Variants in PHRF1 observed in about 807,000 individuals in gnomAD.
The protein encoded by PHRF1 is PHD and RING finger domain-containing protein 1.
A neutral mutation model predicts 128.9 loss-of-function variants in PHRF1; 53 were observed. The ratio of observed to expected loss-of-function variants is 0.41; its 90% CI spans 0.33 to 0.52. PHRF1 has a LOEUF of 0.52. Among genes scored for constraint, PHRF1 ranks in the 20% least tolerant of loss-of-function variants. PHRF1 has a pLI of 0.21. For missense variants in PHRF1, 2,503 were observed against 2,284.5 expected, an observed-to-expected ratio of 1.10 and a Z score of -1.95; for synonymous variants, 1,178 against 980.6, an observed-to-expected ratio of 1.20 and a Z score of -3.76.
chr11:601,280 T>G (rs1855607898), intron 9 of PHRF1, among the ~76,000 whole-genome samples: 1 of 151,660 alleles, frequency 6.6e-6, no homozygotes. Context: ...ATAAAAAAAA[T>G]TAGCTGGGCA....
In PHRF1 at chr11:595,307, CA is replaced by C. The variant is rs1340762509; in HGVS notation, c.621-1610del. Among the ~76,000 whole-genome samples, 13 of 151,692 alleles carry C rather than the reference CA, an allele frequency of 8.6e-5. No homozygotes were observed. The South Asian group carries it at 2.7e-3, about 31-fold the overall frequency. On this transcript the variant is annotated intron_variant, in intron 6 of 17. Coordinates refer to ENST00000264555, the MANE Select transcript of PHRF1 (RefSeq NM_001286581.2). ...CACTGCACTCCAGAGAGACTAAAAA[CA>C]AAAAACAAAAAAACACTATCTGTAG... is the stretch of plus-strand genomic sequence containing the variant.
chr11:591,241 C>T (rs998417225), intron 4 of PHRF1, 143 bp from the exon 5 acceptor site: 1 of 738,794 alleles, frequency 1.4e-6, no homozygotes, highest in Non-Finnish European at 2.3e-6. Flanking sequence ...TGTGCTCCCT[C>T]CACTGCCGTG....
chr11:595,897 C>T (rs567577386), intron 6 of PHRF1, among the ~76,000 whole-genome samples: 1 of 152,234 alleles, frequency 6.6e-6, no homozygotes, highest in East Asian at 1.9e-4. Flanking sequence ...CCCGCCGCCC[C>T]CCTCTGCTGG....
At position 607,962 on chromosome 11, in the gene PHRF1, A is replaced by G. The variant is rs879094061; in HGVS notation, c.2506A>G (p.Thr836Ala). The stretch of plus-strand genomic sequence containing the variant: ...CGAGGTCTACGACCCATCCGACCCC[A>G]CCGGCTCCGACTCCAGCGCCCCTGG... ...RSEVYDPSDPTGSDSSAPGSS... is the reference protein window; with the variant it reads ...RSEVYDPSDPAGSDSSAPGSS... Residue 836 changes from threonine to alanine, a missense_variant, in exon 14 of 18, where the codon ACC (threonine) becomes GCC (alanine). By Grantham distance (58) the Thr-to-Ala change is moderately conservative. Transcript: ENST00000264555. The G allele has an allele frequency of 1.2e-6, 2 of 1,611,600 alleles. No individual in the cohort carries two copies. The highest frequency in any genetic ancestry group is 1.7e-6 in the Non-Finnish European group (2 of 1,179,800).
At chr11:581,354 T>C (rs560524380) in intron 1 of PHRF1, 138 bp from the exon 2 acceptor site, 1 of 679,318 alleles carries the variant, frequency 1.5e-6, no homozygotes, top group Middle Eastern at 2.5e-4. Context: ...GTGGGTGATA[T>C]CTCAGGGCTC....
chr11:605,546 C>T, intron 11 of PHRF1, 59 bp from the exon 12 acceptor site: 1 of 1,595,198 alleles, frequency 6.3e-7, no homozygotes, highest in South Asian at 1.1e-5. Context: ...TCTCCCTGGG[C>T]TGGGGTTTCT....
intron 5 of PHRF1, 32 bp downstream of exon 5, chr11:591,499 C>T (rs1564846966): frequency 6.4e-7 from 1 of 1,554,146 alleles, no homozygotes; most frequent in African/African-American, 1.4e-5. Flanking sequence ...GAGGCCCCAG[C>T]CGTGCTTCTA....
chr11:598,550 A>T, intron 9 of PHRF1, 48 bp downstream of exon 9: 1 of 1,570,450 alleles, frequency 6.4e-7, no homozygotes, highest in South Asian at 1.2e-5. Flanking sequence ...GCTGGGACCC[A>T]CGCCCGAGGT....
Position 607,305 on chromosome 11 carries a change from T to C in PHRF1, c.1849T>C (p.Ser617Pro), listed in dbSNP as rs758475638. Reference protein sequence around the residue: ...APGAVQARNLSNGSVPGFRQS... With the variant: ...APGAVQARNLPNGSVPGFRQS... Reference sequence around the variant, plus strand: ...TGGGGCGGTTCAGGCTCGGAACTTGTCAAATGGGAGTGTGCCTGGCTTCAG... The same window carrying C: ...TGGGGCGGTTCAGGCTCGGAACTTGCCAAATGGGAGTGTGCCTGGCTTCAG... The change falls in exon 14 of 18, where the codon TCA (serine) becomes CCA (proline). Residue 617 changes from serine (S) to proline (P), a missense_variant. Coordinates refer to ENST00000264555, the MANE Select transcript of PHRF1 (RefSeq NM_001286581.2). 9.3e-6 allele frequency: 15 copies of C among 1,612,618 alleles called. No homozygotes were observed. In the South Asian group the frequency reaches 1.5e-4, roughly 17 times the overall value.
chr11:608,129 G>A lies in PHRF1; in HGVS notation c.2673G>A (p.Glu891=). 1 of 1,611,640 alleles carries A rather than the reference G, an allele frequency of 6.2e-7. No individual in the cohort carries two copies. The highest frequency in any genetic ancestry group is 8.5e-7 in the Non-Finnish European group (1 of 1,179,864). ...CGGTGGAGAGCATCTTTGGTACAGA[G>A]CCCGAACCCCCTCTCGGACCGTCCT... The part of the protein sequence containing the change: ...SYTVESIFGT[E]PEPPLGPSSA... Residue 891 remains glutamate, a synonymous_variant, in exon 14 of 18, where the codon GAG becomes GAA. Coordinates refer to ENST00000264555, the MANE Select transcript of PHRF1 (RefSeq NM_001286581.2).
intron 2 of PHRF1, 104 bp downstream of exon 2, chr11:581,710 A>G: frequency 8.6e-7 from 1 of 1,168,696 alleles, no homozygotes; most frequent in Non-Finnish European, 1.2e-6. Flanking sequence ...CTTTCAGTCT[A>G]AAAAAATTAT....
At position 597,803 on chromosome 11, in the gene PHRF1, G is replaced by T. The variant is rs1855387000; in HGVS notation, c.894+233G>T. On this transcript the variant is annotated intron_variant, in intron 8 of 17. Transcript: ENST00000264555. This position sits in a 1 kb window ranked among gnomAD's most constrained non-coding sequence, Gnocchi z 6.5. ...AGCCAGGTATTGAGGGGCAGGTGAA[G>T]CCTGGCCCTGGCGGGGTGGGGGCTC... Among the ~76,000 whole-genome samples the T allele has an allele frequency of 6.6e-6, 1 of 152,168 alleles. No individual in the cohort carries two copies. The highest frequency in any genetic ancestry group is 2.4e-5 in the African/African-American group (1 of 41,434).
chr11:605,346 C>A (rs369803491), intron 11 of PHRF1, 46 bp downstream of exon 11: 2 of 1,598,930 alleles, frequency 1.3e-6, no homozygotes, highest in South Asian at 2.2e-5. Flanking sequence ...GCTCCTCTCC[C>A]TGGGGGCTGT....
intron 4 of PHRF1, 80 bp downstream of exon 4, chr11:587,544 T>G (rs1384395470): frequency 7.0e-7 from 1 of 1,421,348 alleles, no homozygotes; most frequent in Non-Finnish European, 9.8e-7. Context: ...GTGTTCAGCC[T>G]CTTGTGAGGT....
chr11:587,583 G>C (rs1854646137), intron 4 of PHRF1, 119 bp downstream of exon 4: 2 of 1,012,264 alleles, frequency 2.0e-6, no homozygotes, highest in East Asian at 2.5e-5. Flanking sequence ...GGCTGACCCT[G>C]GGGCCACAGG....
At chr11:593,847 C>T (rs138144082) in intron 6 of PHRF1, among the ~76,000 whole-genome samples, 7 of 152,244 alleles carry the variant, frequency 4.6e-5, no homozygotes, top group Admixed American at 4.6e-4. Context: ...ACCTCGCCGT[C>T]CCTCCTTTCT....
In PHRF1 at chr11:608,515, G is replaced by C; in HGVS notation, c.3059G>C (p.Gly1020Ala). 6.5e-7 allele frequency: 1 copy of C among 1,537,170 alleles called. No individual in the cohort carries two copies. The highest frequency in any genetic ancestry group is 8.8e-7 in the Non-Finnish European group (1 of 1,135,452). ...AGGGAGCACGGACGGACGCGCTCTG[G>C]GACGCGCTCTGAATCCAGGGACAGG... ...VSREHGRTRS[G>A]TRSESRDRSS... Residue 1020 changes from glycine to alanine, a missense_variant, in exon 14 of 18, where the codon GGG (glycine) becomes GCG (alanine). Transcript: ENST00000264555.
At chr11:591,835 C>T (rs1049600226) in intron 5 of PHRF1, among the ~76,000 whole-genome samples, 1 of 152,130 alleles carries the variant, frequency 6.6e-6, no homozygotes, top group African/African-American at 2.4e-5. Flanking sequence ...CAGCCTCAAT[C>T]TCCTGGGCTC....
intron 4 of PHRF1, among the ~76,000 whole-genome samples, chr11:590,673 CA>C (rs1448903530): frequency 6.6e-6 from 1 of 152,164 alleles, no homozygotes; most frequent in African/African-American, 2.4e-5. Context: ...AATAAATTTG[CA>C]ACGTATACCT....
Sources: gnomAD v4.1 joint callset for allele counts (sites outside exome capture counted in the v4.1 genomes callset) on GRCh38, gnomAD v4.1.1 for gene constraint, Gnocchi (gnomAD v3.1) non-coding constraint, MANE v1.5 for transcripts, NCBI Gene and HGNC (gene_info 2026-07-23, HGNC 2026-07-21) for gene names.